AATK: variants seen among roughly 807,000 people sequenced by gnomAD.
AATK encodes serine/threonine-protein kinase LMTK1.
Under a neutral mutation model 114.3 loss-of-function variants are expected in AATK, and 91 were observed. That is an observed-to-expected ratio of 0.80 (90% confidence interval 0.67 to 0.95). AATK has a LOEUF of 0.95. Among genes scored for constraint, AATK ranks in the 40% least tolerant of loss-of-function variants. AATK has a pLI of 0.00. For synonymous variants in AATK, 1,075 were observed against 916.5 expected (o/e 1.17, Z -3.12); for missense variants, 2,176 against 1,965.2 (o/e 1.11, Z -2.03).
At chr17:81,146,545 G>C (rs2061223067) in intron 1 of AATK, among the ~76,000 whole-genome samples, 2 of 151,874 alleles carry the variant, frequency 1.3e-5, no homozygotes, top group South Asian at 2.1e-4. Context: ...GCGAAACCTT[G>C]TCTCTACTAA....
At chr17:81,158,232 A>T (rs1270470157) in intron 1 of AATK, among the ~76,000 whole-genome samples, 1 of 152,232 alleles carries the variant, frequency 6.6e-6, no homozygotes, top group Non-Finnish European at 1.5e-5. Flanking sequence ...GGCAGAGAGC[A>T]GGGCGGGGCC....
intron 13 of AATK, among the ~76,000 whole-genome samples, chr17:81,118,865 G>A (rs1419941280): frequency 3.3e-5 from 5 of 152,180 alleles, no homozygotes; most frequent in African/African-American, 9.7e-5. Context: ...CCGAGGAGGT[G>A]GGCACTTGTC....
At chr17:81,139,316 G>A (rs560077175) in intron 1 of AATK, among the ~76,000 whole-genome samples, 38 of 152,302 alleles carry the variant, frequency 2.5e-4, no homozygotes, top group African/African-American at 8.4e-4. Flanking sequence ...ACTAGCAGGT[G>A]GGGAGGCCTC....
chr17:81,119,385 TTGGACTCGGCGTCCGAGTCAGACACG>T lies in AATK; in HGVS notation c.4053_4078del (p.His1351GlnfsTer5). Reference sequence around the variant, plus strand: ...CAGCCCCGCCCAGGCCTCACCTCTCTTGGACTCGGCGTCCGAGTCAGACACGTGCGTGATGGAGAAGCGGGACGTGG... The same window carrying T: ...CAGCCCCGCCCAGGCCTCACCTCTCTTGCGTGATGGAGAAGCGGGACGTGG... On this transcript the variant is annotated frameshift_variant, in exon 13 of 14. Coordinates refer to ENST00000326724, the MANE Select transcript of AATK (RefSeq NM_001080395.3). LOFTEE classifies it low-confidence loss of function (END_TRUNC). The T allele has an allele frequency of 6.5e-7, 1 of 1,541,552 alleles. No homozygotes were observed. Among genetic ancestry groups the T allele is most frequent in the Non-Finnish European group, 8.7e-7 (1 of 1,151,710 alleles).
chr17:81,159,296 G>A (rs1380858984), intron 1 of AATK, among the ~76,000 whole-genome samples: 3 of 152,174 alleles, frequency 2.0e-5, no homozygotes, highest in Non-Finnish European at 2.9e-5. Context: ...CACAGAGAGC[G>A]AGCGAGATCC....
intron 3 of AATK, chr17:81,128,802 C>T (rs2060887185): frequency 2.3e-6 from 3 of 1,284,452 alleles, no homozygotes; most frequent in Admixed American, 3.3e-5. Flanking sequence ...GAGAAGGTGC[C>T]TGAAGCCACT....
In AATK at chr17:81,122,558, C is replaced by A; in HGVS notation, c.1378G>T (p.Ala460Ser). 6.8e-7 allele frequency: 1 copy of A among 1,472,262 alleles called. No individual in the cohort carries two copies. The highest frequency in any genetic ancestry group is 9.0e-7 in the Non-Finnish European group (1 of 1,106,548). The allele number at this position is 1,472,262 out of a possible 1,614,324, so 91.2% of individuals were successfully genotyped here. A position where few individuals can be genotyped will look rare whatever the true frequency, so the allele number is the denominator to read the frequency against. The change falls in exon 11 of 14, where the codon GCG (alanine) becomes TCG (serine). Residue 460 changes from alanine to serine, a missense_variant. By Grantham distance (99) the Ala-to-Ser change is moderately conservative. Transcript: ENST00000326724. ...ACCGTCAGCACGTCGTCGCCGTCCG[C>A]GTGGAAGCCGTCGCCCGCGAACTGC... ...LEQFAGDGFHADGDDVLTVTE... is the reference protein window; with the variant it reads ...LEQFAGDGFHSDGDDVLTVTE...
At chr17:81,118,564 ATCTGGCTGTG>A (rs1350689083) in intron 13 of AATK, 122 bp from the exon 14 acceptor site, 1 of 1,019,084 alleles carries the variant, frequency 9.8e-7, no homozygotes, top group African/African-American at 1.6e-5. Context: ...CCTGCAGCAG[ATCTGGCTGTG>A]TCTAGGTGAG....
Position 81,127,660 on chromosome 17 carries a change from G to A in AATK, c.544C>T (p.His182Tyr). The change falls in exon 6 of 14, where the codon CAC (histidine) becomes TAC (tyrosine). Residue 182 changes from histidine to tyrosine, a missense_variant. Around this residue, in one of 4 missense-constraint regions of AATK, gnomAD observed 273 missense variants for 344.1 expected, o/e 0.79. Transcript: ENST00000326724. ...EEVQPYRALK[H>Y]SNLLQCLAQC... is the part of the protein sequence containing the mutation. The stretch of plus-strand genomic sequence containing the variant: ...GCCAGGCACTGGAGCAGGTTGCTGT[G>A]CTTCAGGGCCCTGCGGGAGTGGACA... 2 of 1,589,606 alleles carry A rather than the reference G, an allele frequency of 1.3e-6. No homozygotes were observed. The highest frequency in any genetic ancestry group is 1.7e-6 in the Non-Finnish European group (2 of 1,168,612).
chr17:81,123,398 C>T (rs568288949), intron 9 of AATK, 55 bp from the exon 10 acceptor site: 38 of 1,306,034 alleles, frequency 2.9e-5, no homozygotes, highest in African/African-American at 2.0e-4. Context: ...CAGCAAGGAC[C>T]GCGCAGGATC....
At chr17:81,130,330 A>AC (rs2060910115) in intron 3 of AATK, among the ~76,000 whole-genome samples, 1 of 152,008 alleles carries the variant, frequency 6.6e-6, no homozygotes, top group African/African-American at 2.4e-5. Flanking sequence ...ACCCGCACCC[A>AC]CCACCTAGGC....
chr17:81,145,234 C>CAAAAAAAAAAAAAA (rs761538299), intron 1 of AATK, among the ~76,000 whole-genome samples: 2 of 121,124 alleles, frequency 1.7e-5, no homozygotes, highest in African/African-American at 3.0e-5. Flanking sequence ...GAGACTCCAT[C>CAAAAAAAAAAAAAA]AAAAAAAAAA....
At chr17:81,141,198 C>T (rs1031047407) in intron 1 of AATK, among the ~76,000 whole-genome samples, 1 of 152,192 alleles carries the variant, frequency 6.6e-6, no homozygotes, top group Admixed American at 6.5e-5. Context: ...CACCTGTAAT[C>T]CCACCACTTG....
intron 1 of AATK, among the ~76,000 whole-genome samples, chr17:81,143,974 G>A (rs1234458153): frequency 6.6e-6 from 1 of 152,202 alleles, no homozygotes; most frequent in Non-Finnish European, 1.5e-5. Context: ...GGTGCCCAGG[G>A]TTGCCCCTGC....
At chr17:81,127,770 T>C (rs1252977848) in intron 5 of AATK, 22 bp downstream of exon 5, 5 of 1,503,022 alleles carry the variant, frequency 3.3e-6, no homozygotes, top group Non-Finnish European at 4.5e-6. Context: ...AGCACAGGCC[T>C]TTGTGCCCGG....
Position 81,134,473 on chromosome 17 carries a change from C to T in AATK, c.84G>A (p.Trp28Ter). ...PDGAPLSELS[W>*]PSSLAVVAVS... ...CAGCCACCACGGCGAGGGAGGATGG[C>T]CAGGACAGCTCGCTGAGCGGGGCGC... Residue 28 changes from tryptophan (W) to a stop codon, truncating the protein, a stop_gained, in exon 2 of 14, where the codon TGG becomes TGA. Transcript: ENST00000326724. LOFTEE classifies it high-confidence loss of function. 1.2e-6 allele frequency: 2 copies of T among 1,612,956 alleles called. No individual in the cohort carries two copies. The highest frequency in any genetic ancestry group is 1.7e-6 in the Non-Finnish European group (2 of 1,179,700).
chr17:81,131,050 C>G lies in AATK; in HGVS notation c.334+11G>C, dbSNP rs981271807. 2 of 1,548,456 alleles carry G rather than the reference C, an allele frequency of 1.3e-6. No homozygotes were observed. Among genetic ancestry groups the G allele is most frequent in the Admixed American group, 1.9e-5 (1 of 51,424 alleles). ...GAGGGAGGCCACCCCATCTCCCCAC[C>G]CAGCCCTCACCTGAGCGCCCAGGCT... On this transcript the variant is annotated intron_variant, in intron 3 of 13. Transcript: ENST00000326724.
intron 1 of AATK, among the ~76,000 whole-genome samples, chr17:81,135,119 C>G (rs79775283): frequency 6.6e-6 from 1 of 152,326 alleles, no homozygotes; most frequent in African/African-American, 2.4e-5. Context: ...CTGCTTCTGT[C>G]CTGGGAACCA....
At chr17:81,159,946 C>T (rs1028177573) in intron 1 of AATK, among the ~76,000 whole-genome samples, 4 of 152,152 alleles carry the variant, frequency 2.6e-5, no homozygotes, top group Non-Finnish European at 2.9e-5. Context: ...CCCTCAGCAG[C>T]AGGGACCCCA....
Sources: gnomAD v4.1 joint callset for allele counts (sites outside exome capture counted in the v4.1 genomes callset) on GRCh38, gnomAD v4.1.1 for gene constraint, gnomAD v4.1.1 regional missense constraint, MANE v1.5 for transcripts, NCBI Gene and HGNC (gene_info 2026-07-23, HGNC 2026-07-21) for gene names.